Variants in YARS2 observed in about 807,000 individuals in gnomAD.
The protein encoded by YARS2 is tyrosyl-tRNA synthetase 2.
YARS2 carries 38 observed loss-of-function variants against 45.0 expected under a neutral mutation model. That is an observed-to-expected ratio of 0.84 (90% CI 0.65 to 1.11). The LOEUF (loss-of-function observed/expected upper bound fraction) is 1.11, where lower values mean the gene tolerates loss of function less well. Ranked by LOEUF, YARS2 falls within the 50% of genes least tolerant of loss-of-function variation. The pLI, the probability that YARS2 is intolerant of heterozygous loss-of-function variation, is 0.00. For missense variants in YARS2, 602 were observed against 599.8 expected (o/e 1.00, Z -0.04); for synonymous variants, 287 against 245.1 (o/e 1.17, Z -1.60).
chr12:32,746,567 T>G lies in YARS2; in HGVS notation c.*637A>C, dbSNP rs1955636869. On this transcript the variant is annotated 3_prime_UTR_variant, in exon 5 of 5. Transcript: ENST00000324868. ...TTTGAGACAGAGTTTCACTCACTACTCATGCTGTCTCCCAGGCTGGAGTGC... is the reference window on the plus strand; with the variant it reads ...TTTGAGACAGAGTTTCACTCACTACGCATGCTGTCTCCCAGGCTGGAGTGC... The G allele has an allele frequency of 4.2e-5, 6 of 144,376 alleles. No individual in the cohort carries two copies. The Admixed American group carries it at 4.3e-4, about 10-fold the overall frequency. 8.9% of individuals were successfully genotyped at this position (144,376 alleles called of 1,614,324 possible). A position where few individuals can be genotyped will look rare whatever the true frequency, so the allele number is the denominator to read the frequency against.
rs919091647 is a variant in YARS2 at position 32,749,085 on chromosome 12, A to G, written c.1274+852T>C. Among the ~76,000 whole-genome samples the G allele has an allele frequency of 5.9e-5, 9 of 152,262 alleles. No homozygotes were observed. In the South Asian group the frequency reaches 1.0e-3, roughly 17 times the overall value. On this transcript the variant is annotated intron_variant, in intron 4 of 4. Coordinates refer to ENST00000324868, the MANE Select transcript of YARS2 (RefSeq NM_001040436.3). The stretch of plus-strand genomic sequence containing the variant: ...ATGCAATTCTCAAGGGGATTATTAT[A>G]TAGTTTACAATAATAGTCTTATGAC...
intron 4 of YARS2, 114 bp downstream of exon 4, chr12:32,749,823 C>T (rs763949215): frequency 7.8e-5 from 97 of 1,242,524 alleles, no homozygotes; most frequent in Middle Eastern, 2.2e-4. Flanking sequence ...GTGATCTGCC[C>T]GCCTCGGCCT....
chr12:32,747,415 G>T, intron 4 of YARS2, 52 bp from the exon 5 acceptor site: 1 of 1,581,660 alleles, frequency 6.3e-7, no homozygotes, highest in Non-Finnish European at 8.7e-7. Context: ...CTGTTGATCT[G>T]TCCCCCAAAA....
At chr12:32,749,864 A>G (rs558309336) in intron 4 of YARS2, 73 bp downstream of exon 4, 2 of 1,577,800 alleles carry the variant, frequency 1.3e-6, no homozygotes, top group Non-Finnish European at 1.7e-6. Context: ...GGCATGAGCC[A>G]CTTCTCCTGG....
rs1592706944 is a variant in YARS2, at chr12:32,746,829, T to C, written c.*375A>G. On this transcript the variant is annotated 3_prime_UTR_variant, in exon 5 of 5. Transcript: ENST00000324868. Reference sequence around the variant, plus strand: ...CTGGGATTACAGGTGTGAGCCACCATGCCCAGCCTCACAATTCCTTACACT... The same window carrying C: ...CTGGGATTACAGGTGTGAGCCACCACGCCCAGCCTCACAATTCCTTACACT... 2 of 218,722 alleles carry C rather than the reference T, an allele frequency of 9.1e-6. No individual in the cohort carries two copies. The highest frequency in any genetic ancestry group is 1.3e-4 in the East Asian group (1 of 7,604). 13.5% of individuals were successfully genotyped at this position (218,722 alleles called of 1,614,324 possible).
chr12:32,750,410 T>C (rs1250789606), intron 3 of YARS2, among the ~76,000 whole-genome samples: 1 of 151,788 alleles, frequency 6.6e-6, no homozygotes, highest in Non-Finnish European at 1.5e-5. Flanking sequence ...ACCATGTTGG[T>C]CAGGCTGGTC....
In YARS2 at chr12:32,755,427, C is replaced by A. The variant is rs766114062; in HGVS notation, c.448G>T (p.Ala150Ser). Residue 150 changes from alanine (A) to serine (S), a missense_variant, in exon 1 of 5, where the codon GCC becomes TCC. By Grantham distance (99) the Ala-to-Ser change is moderately conservative. Coordinates refer to ENST00000324868, the MANE Select transcript of YARS2 (RefSeq NM_001040436.3). ...NARALRLGLE[A>S]LAANHQQLFT... ...AGCTGCTGGTGATTAGCCGCCAGGG[C>A]CTCAAGCCCTAGGCGCAGAGCTCGC... 1 of 1,613,482 alleles carries A rather than the reference C, an allele frequency of 6.2e-7. No homozygotes were observed. The highest frequency in any genetic ancestry group is 1.1e-5 in the South Asian group (1 of 91,088).
intron 1 of YARS2, 62 bp downstream of exon 1, chr12:32,755,034 A>T: frequency 6.2e-7 from 1 of 1,600,896 alleles, no homozygotes; most frequent in Non-Finnish European, 8.6e-7. Context: ...AGAGTGAATC[A>T]CAGGCTACTA....
intron 3 of YARS2, among the ~76,000 whole-genome samples, chr12:32,750,313 T>C (rs1297079780): frequency 6.6e-6 from 1 of 152,138 alleles, no homozygotes; most frequent in Non-Finnish European, 1.5e-5. Flanking sequence ...GCGATTCTCC[T>C]GCCTCAGCCT....
intron 4 of YARS2, among the ~76,000 whole-genome samples, chr12:32,748,484 T>G (rs1955682351): frequency 1.3e-5 from 2 of 152,182 alleles, no homozygotes; most frequent in African/African-American, 4.8e-5. Context: ...AAATCAGTAT[T>G]ACTTAGAGCC....
In YARS2 at chr12:32,750,796, C is replaced by T. The variant is rs35339227; in HGVS notation, c.1026G>A (p.Arg342=). 3.7e-3 allele frequency: 5,905 copies of T among 1,614,116 alleles called. 185 individuals carry two copies. The African/African-American group carries it at 0.07, about 19-fold the overall frequency. The change falls in exon 3 of 5, where the codon AGG becomes AGA. Residue 342 remains arginine (R), a synonymous_variant. Transcript: ENST00000324868. ...IMQLHVKEPE[R]RGPQKRLAAE... ...CTGCCAGTCGTTTCTGAGGACCCCG[C>T]CTTTCTGGCTCTTTGACATGCAGCT... is the stretch of plus-strand genomic sequence containing the variant.
chr12:32,747,397 T>G (rs752547709), intron 4 of YARS2, 34 bp from the exon 5 acceptor site: 1 of 1,607,846 alleles, frequency 6.2e-7, no homozygotes, highest in South Asian at 1.1e-5. Context: ...AGTAGAGAGA[T>G]CCAATCACTG....
Position 32,755,857 on chromosome 12 carries a change from C to CA in YARS2, c.17dup (p.Leu6PhefsTer25). 1.2e-6 allele frequency: 2 copies of CA among 1,613,244 alleles called. No homozygotes were observed. The highest frequency in any genetic ancestry group is 1.7e-6 in the Non-Finnish European group (2 of 1,180,036). On this transcript the variant is annotated frameshift_variant, in exon 1 of 5. Transcript: ENST00000324868. LOFTEE classifies it high-confidence loss of function. ...ACCACCGGCCCCAGGAAAAGGACCG[C>CA]AAGATGGGCGCCGCCATCTTGGTAG... is the stretch of plus-strand genomic sequence containing the variant.
rs915678530 is a variant in YARS2 at position 32,746,883 on chromosome 12, C to T, written c.*321G>A. 2.4e-5 allele frequency: 7 copies of T among 290,304 alleles called. No homozygotes were observed. In the Admixed American group the frequency reaches 2.5e-4, roughly 10 times the overall value. 18.0% of individuals were successfully genotyped at this position (290,304 alleles called of 1,614,324 possible). On this transcript the variant is annotated 3_prime_UTR_variant, in exon 5 of 5. Coordinates refer to ENST00000324868, the MANE Select transcript of YARS2 (RefSeq NM_001040436.3). ...TCTTTTTCATTGTTCCTCATCACTACAAAAAGGAGAGCAGGAAGGGTAAGA... is the reference window on the plus strand; with the variant it reads ...TCTTTTTCATTGTTCCTCATCACTATAAAAAGGAGAGCAGGAAGGGTAAGA...
chr12:32,754,183 GA>G (rs756276088), intron 1 of YARS2, 98 bp from the exon 2 acceptor site: 7 of 1,430,526 alleles, frequency 4.9e-6, no homozygotes, highest in African/African-American at 2.8e-5. Flanking sequence ...CTTGCTCCAG[GA>G]AAACTTCCTT....
In YARS2 at chr12:32,750,094, G is replaced by A. The variant is rs1044505297; in HGVS notation, c.1117C>T (p.Leu373Phe). The change falls in exon 4 of 5, where the codon CTT (leucine) becomes TTT (phenylalanine). Residue 373 changes from leucine to phenylalanine, a missense_variant. Leu to Phe is a conservative substitution (Grantham distance 22). Transcript: ENST00000324868. ...LDSAKRCTQA[L>F]YHSSIDALEV... ...AGTGCATCTATGCTACTGTGATAAA[G>A]GGCTTGTGTACACCTGAAAAACACA... 2 of 1,613,886 alleles carry A rather than the reference G, an allele frequency of 1.2e-6. No homozygotes were observed. The highest frequency in any genetic ancestry group is 2.2e-5 in the East Asian group (1 of 44,876).
intron 2 of YARS2, among the ~76,000 whole-genome samples, chr12:32,751,092 G>A (rs1955735650): frequency 6.7e-6 from 1 of 149,954 alleles, no homozygotes; most frequent in African/African-American, 2.5e-5. Flanking sequence ...TTTTGAGATG[G>A]GGGTCTTGCT....
chr12:32,754,709 C>CT, intron 1 of YARS2, among the ~76,000 whole-genome samples: 1 of 142,896 alleles, frequency 7.0e-6, no homozygotes, highest in Non-Finnish European at 1.5e-5. Context: ...TGGTCTGTTT[C>CT]CCTTTTTTTT....
At chr12:32,747,873 C>T (rs796573840) in intron 4 of YARS2, among the ~76,000 whole-genome samples, 2 of 151,852 alleles carry the variant, frequency 1.3e-5, no homozygotes, top group African/African-American at 4.8e-5. Flanking sequence ...TTAAAGACTC[C>T]GTCTCAAGAA....
Sources: allele counts gnomAD v4.1 joint callset (sites outside exome capture counted in the v4.1 genomes callset), GRCh38; gene constraint gnomAD v4.1.1; transcripts MANE v1.5; gene names NCBI Gene and HGNC (gene_info 2026-07-23, HGNC 2026-07-21).